The following VPS13B variants were observed in gnomAD, a reference collection of about 807,000 sequenced individuals.
VPS13B encodes intermembrane lipid transfer protein VPS13B.
VPS13B carries 285 observed loss-of-function variants against 426.4 expected under a neutral mutation model. The ratio of observed to expected loss-of-function variants is 0.67; its 90% CI spans 0.61 to 0.74. The LOEUF (loss-of-function observed/expected upper bound fraction) is 0.74. Among genes scored for constraint, VPS13B ranks in the 30% least tolerant of loss-of-function variants. The pLI, the probability that VPS13B is intolerant of heterozygous loss-of-function variation, is 0.00. For missense variants in VPS13B, 4,537 were observed against 4,782.6 expected (o/e 0.95, Z 1.51); for synonymous variants, 1,676 against 1,676.4 (o/e 1.00, Z 0.01).
At chr8:99,042,139 TC>T (rs1184441311) in intron 3 of VPS13B, among the ~76,000 whole-genome samples, 1 of 147,422 alleles carries the variant, frequency 6.8e-6, no homozygotes, top group East Asian at 2.0e-4. Context: ...AAACTCCATC[TC>T]AAAAAAAAAA....
chr8:99,407,290 A>C (rs974884258), intron 21 of VPS13B, among the ~76,000 whole-genome samples: 1 of 152,206 alleles, frequency 6.6e-6, no homozygotes, highest in Non-Finnish European at 1.5e-5. Context: ...AGGTATATGT[A>C]AATTTATGTT....
rs1201282952 is a variant in VPS13B, at chr8:99,853,972, G to A, written c.10583G>A (p.Arg3528Lys). ...TLFDTYLPNS[R>K]LAGHSTHLSG... is the part of the protein sequence containing the mutation. ...TTTGACACCTACCTTCCTAACAGCA[G>A]GTTGGCTGGTCACTCCACACACCTC... is the stretch of plus-strand genomic sequence containing the variant. The change falls in exon 56 of 62, where the codon AGG (arginine) becomes AAG (lysine). Residue 3528 changes from arginine to lysine, a missense_variant. Physicochemically the swap from Arg to Lys is conservative, Grantham distance 26. This residue lies in a region of VPS13B where 4,311 missense variants were observed against 4,474.3 expected (regional missense o/e 0.96). Transcript: ENST00000357162. 6.2e-7 allele frequency: 1 copy of A among 1,614,082 alleles called. No homozygotes were observed. Among genetic ancestry groups the A allele is most frequent in the Non-Finnish European group, 8.5e-7 (1 of 1,180,046 alleles).
At chr8:99,482,061 G>T (rs1478062727) in intron 25 of VPS13B, among the ~76,000 whole-genome samples, 1 of 152,062 alleles carries the variant, frequency 6.6e-6, no homozygotes, top group African/African-American at 2.4e-5. Flanking sequence ...CACAGTAAAG[G>T]TATGTTTCCT....
At chr8:99,182,355 C>T (rs2132698114) in intron 16 of VPS13B, among the ~76,000 whole-genome samples, 1 of 152,138 alleles carries the variant, frequency 6.6e-6, no homozygotes, top group East Asian at 1.9e-4. Context: ...TTGGGAAGAA[C>T]ACAGGGAATT....
intron 3 of VPS13B, among the ~76,000 whole-genome samples, chr8:99,057,642 G>C (rs1169616765): frequency 6.6e-6 from 1 of 152,056 alleles, no homozygotes; most frequent in Non-Finnish European, 1.5e-5. Context: ...CTGAACTCCA[G>C]CATAAGAGCT....
At chr8:99,283,141 T>C (rs1161092385) in intron 19 of VPS13B, among the ~76,000 whole-genome samples, 1 of 152,198 alleles carries the variant, frequency 6.6e-6, no homozygotes. Context: ...ATGTCTTTTT[T>C]GGTTTCAAAA....
At chr8:99,677,978 T>A (rs1290544741) in intron 35 of VPS13B, among the ~76,000 whole-genome samples, 2 of 152,158 alleles carry the variant, frequency 1.3e-5, no homozygotes, top group Non-Finnish European at 2.9e-5. Flanking sequence ...TCCTTTCTTA[T>A]CCCTGTACAA....
intron 17 of VPS13B, among the ~76,000 whole-genome samples, chr8:99,251,600 G>GT (rs1588175305): frequency 6.6e-6 from 1 of 151,994 alleles, no homozygotes; most frequent in Admixed American, 6.6e-5. Flanking sequence ...TGATAAGTTC[G>GT]TATTTATATT....
intron 39 of VPS13B, among the ~76,000 whole-genome samples, chr8:99,746,825 A>G (rs1174173193): frequency 6.6e-6 from 1 of 152,156 alleles, no homozygotes. Flanking sequence ...CAATAAAGCA[A>G]TGCTAATGTT....
chr8:99,625,709 A>G (rs1276908542), intron 33 of VPS13B, among the ~76,000 whole-genome samples: 1 of 151,586 alleles, frequency 6.6e-6, no homozygotes, highest in Non-Finnish European at 1.5e-5. Flanking sequence ...AGCGAAGTAT[A>G]GTGGCACACG....
intron 43 of VPS13B, among the ~76,000 whole-genome samples, chr8:99,802,068 T>C (rs1253984395): frequency 2.0e-5 from 3 of 151,910 alleles, no homozygotes; most frequent in Admixed American, 2.0e-4. Context: ...GAGGATCACT[T>C]GAGCCCAGGA....
At chr8:99,567,861 G>A (rs972888105) in intron 31 of VPS13B, among the ~76,000 whole-genome samples, 65 of 152,240 alleles carry the variant, frequency 4.3e-4, no homozygotes, top group African/African-American at 1.3e-3. Context: ...ACCATAGGGA[G>A]CCCTCAATCC....
At chr8:99,468,915 G>C (rs959539599) in intron 24 of VPS13B, among the ~76,000 whole-genome samples, 3 of 152,008 alleles carry the variant, frequency 2.0e-5, no homozygotes, top group Non-Finnish European at 4.4e-5. Flanking sequence ...ATATTTTATA[G>C]AGCGTCTTTT....
chr8:99,655,654 C>A (rs1829995363), intron 34 of VPS13B, among the ~76,000 whole-genome samples: 1 of 152,192 alleles, frequency 6.6e-6, no homozygotes, highest in South Asian at 2.1e-4. Flanking sequence ...ATCCTCTGCC[C>A]CAGCTGGCCT....
At chr8:99,772,611 A>G (rs1308792947) in intron 40 of VPS13B, among the ~76,000 whole-genome samples, 2 of 152,208 alleles carry the variant, frequency 1.3e-5, no homozygotes, top group Admixed American at 1.3e-4. Context: ...GGTTAAAATG[A>G]TAAATTTTAT....
chr8:99,695,092 T>G (rs1232629138), intron 35 of VPS13B, among the ~76,000 whole-genome samples: 1 of 149,484 alleles, frequency 6.7e-6, no homozygotes, highest in African/African-American at 2.5e-5. Flanking sequence ...ACTTTTACAC[T>G]GTTGGTGGGA....
At chr8:99,386,364 G>C (rs1313520260) in intron 20 of VPS13B, among the ~76,000 whole-genome samples, 1 of 152,074 alleles carries the variant, frequency 6.6e-6, no homozygotes, top group Non-Finnish European at 1.5e-5. Context: ...GCATCATTAG[G>C]CAATTTTGTT....
chr8:99,195,506 T>G (rs891024733), intron 17 of VPS13B, among the ~76,000 whole-genome samples: 1 of 152,186 alleles, frequency 6.6e-6, no homozygotes, highest in Non-Finnish European at 1.5e-5. Flanking sequence ...GGTTTGTAAA[T>G]TTTTCTCCCA....
At chr8:99,197,593 A>G (rs1324067374) in intron 17 of VPS13B, among the ~76,000 whole-genome samples, 1 of 152,154 alleles carries the variant, frequency 6.6e-6, no homozygotes, top group African/African-American at 2.4e-5. Context: ...AGCATTGTTC[A>G]CAGTAGTCGA....
Sources: gnomAD v4.1 joint callset for allele counts (sites outside exome capture counted in the v4.1 genomes callset) on GRCh38, gnomAD v4.1.1 for gene constraint, gnomAD v4.1.1 regional missense constraint, MANE v1.5 for transcripts, NCBI Gene and HGNC (gene_info 2026-07-23, HGNC 2026-07-21) for gene names.